The following LPIN2 variants were observed in gnomAD, a reference collection of about 807,000 sequenced individuals.
LPIN2 encodes the protein phosphatidate phosphatase LPIN2.
In LPIN2, 55 loss-of-function variants were observed where a neutral mutation model predicts 111.4. The observed-to-expected ratio is 0.49, with a 90% CI of 0.40 to 0.62. The LOEUF (loss-of-function observed/expected upper bound fraction) is 0.62, where lower values mean the gene tolerates loss of function less well. Ranked by LOEUF, LPIN2 falls within the 20% of genes least tolerant of loss-of-function variation. The pLI is 0.00. For missense variants in LPIN2, 992 were observed against 1,112.1 expected (o/e 0.89, Z 1.54); for synonymous variants, 425 against 414.0 (o/e 1.03, Z -0.32).
intron 6 of LPIN2, among the ~76,000 whole-genome samples, chr18:2,938,734 T>A (rs1260977075): frequency 6.6e-6 from 1 of 152,204 alleles, no homozygotes; most frequent in Non-Finnish European, 1.5e-5. Flanking sequence ...ATATGCAAAA[T>A]GTATATTTTA....
At chr18:2,922,254 C>CA (rs1278606455) in intron 16 of LPIN2, 55 bp from the exon 17 acceptor site, 32 of 1,546,710 alleles carry the variant, frequency 2.1e-5, no homozygotes, top group Non-Finnish European at 2.8e-5. Context: ...GAAAAGAAAA[C>CA]AAAAAACAAA....
chr18:2,988,952 A>G (rs556981961), intron 1 of LPIN2, among the ~76,000 whole-genome samples: 1 of 152,368 alleles, frequency 6.6e-6, no homozygotes, highest in East Asian at 1.9e-4. Flanking sequence ...TCAATTTGAA[A>G]AAGTATACTT....
intron 18 of LPIN2, 156 bp downstream of exon 18, chr18:2,921,377 A>G (rs2077051406): frequency 1.4e-6 from 1 of 693,384 alleles, no homozygotes; most frequent in Admixed American, 2.1e-5. Context: ...GTTGCTATAG[A>G]TATTTGGAAT....
intron 6 of LPIN2, among the ~76,000 whole-genome samples, chr18:2,939,004 C>G (rs907801211): frequency 3.3e-5 from 5 of 152,144 alleles, no homozygotes; most frequent in Middle Eastern, 3.4e-3. Context: ...AAAATAAAAA[C>G]TAAAAAATTA....
At chr18:3,004,609 C>T (rs1052350464) in intron 1 of LPIN2, among the ~76,000 whole-genome samples, 20 of 152,224 alleles carry the variant, frequency 1.3e-4, no homozygotes, top group Admixed American at 4.6e-4. Context: ...AATCAGGAAC[C>T]GTCAAAATTA....
At chr18:2,987,773 C>T (rs934051568) in intron 1 of LPIN2, among the ~76,000 whole-genome samples, 3 of 151,948 alleles carry the variant, frequency 2.0e-5, no homozygotes, top group South Asian at 2.1e-4. Flanking sequence ...TAGAAACGAA[C>T]GGCTGCTGTA....
chr18:2,932,996 T>C (rs983220768), intron 8 of LPIN2, among the ~76,000 whole-genome samples: 3 of 152,130 alleles, frequency 2.0e-5, no homozygotes, highest in South Asian at 2.1e-4. Context: ...AACAACAACA[T>C]CTACACACAT....
At chr18:2,969,578 T>C (rs1219446214) in intron 1 of LPIN2, among the ~76,000 whole-genome samples, 2 of 152,174 alleles carry the variant, frequency 1.3e-5, no homozygotes, top group African/African-American at 2.4e-5. Context: ...TGAGGAAAAC[T>C]GGCAAGGAGC....
At chr18:2,959,809 A>G (rs694873) in intron 2 of LPIN2, among the ~76,000 whole-genome samples, 4 of 152,186 alleles carry the variant, frequency 2.6e-5, no homozygotes, top group South Asian at 2.1e-4. Flanking sequence ...TTTAGATTAC[A>G]AAAGTTTTTA....
chr18:2,931,396 G>T lies in LPIN2; in HGVS notation c.1316C>A (p.Ser439Tyr), dbSNP rs752869856. ...CACGGACTGTGGGGACTGGGAGCCA[G>T]AGAGTGTGTCAGACTCGGGCCACTG... ...SRQWPESDTL[S>Y]GSQSPQSVGS... The change falls in exon 9 of 20, where the codon TCT (serine) becomes TAT (tyrosine). Residue 439 changes from serine to tyrosine, a missense_variant. Ser to Tyr is a moderately radical substitution (Grantham distance 144). This residue lies in a region of LPIN2 where 709 missense variants were observed against 753.2 expected (regional missense o/e 0.94). Coordinates refer to ENST00000677752, the MANE Select transcript of LPIN2 (RefSeq NM_001375808.2). 1.9e-6 allele frequency: 3 copies of T among 1,609,926 alleles called. No individual in the cohort carries two copies. The Admixed American group carries it at 5.1e-5, about 27-fold the overall frequency.
intron 7 of LPIN2, among the ~76,000 whole-genome samples, chr18:2,935,563 T>C (rs896365998): frequency 1.3e-5 from 2 of 152,146 alleles, no homozygotes; most frequent in Non-Finnish European, 2.9e-5. Flanking sequence ...AAATGCAACA[T>C]GTGAAACCTG....
At chr18:2,924,813 C>CT (rs1456081787) in intron 14 of LPIN2, among the ~76,000 whole-genome samples, 1 of 152,230 alleles carries the variant, frequency 6.6e-6, no homozygotes, top group Non-Finnish European at 1.5e-5. Flanking sequence ...AGAATTACTG[C>CT]TTTAGCCACA....
chr18:2,938,203 T>G (rs1192751968), intron 6 of LPIN2, among the ~76,000 whole-genome samples, 166 bp from the exon 7 acceptor site: 2 of 152,200 alleles, frequency 1.3e-5, no homozygotes, highest in Admixed American at 1.3e-4. Context: ...AAACTAATAA[T>G]TGCCTTTTGT....
At chr18:2,991,728 A>G (rs1000902212) in intron 1 of LPIN2, among the ~76,000 whole-genome samples, 1 of 151,514 alleles carries the variant, frequency 6.6e-6, no homozygotes, top group African/African-American at 2.4e-5. Context: ...TAATAATAAT[A>G]AGGCCGGGCA....
At chr18:3,012,169 G>C (rs1431318571) in intron 1 of LPIN2, among the ~76,000 whole-genome samples, 1 of 152,058 alleles carries the variant, frequency 6.6e-6, no homozygotes, top group African/African-American at 2.4e-5. Context: ...ACCAAGTCTA[G>C]AGCCTCGTTT....
At chr18:2,998,489 C>T (rs2078378704) in intron 1 of LPIN2, among the ~76,000 whole-genome samples, 1 of 152,120 alleles carries the variant, frequency 6.6e-6, no homozygotes, top group African/African-American at 2.4e-5. Context: ...TGACAAGGTA[C>T]CTGCCCTTGT....
intron 1 of LPIN2, among the ~76,000 whole-genome samples, chr18:3,004,859 C>T (rs1226220909): frequency 6.6e-6 from 1 of 152,198 alleles, no homozygotes; most frequent in African/African-American, 2.4e-5. Flanking sequence ...CAAAGAACAT[C>T]AGGTTTACCT....
At chr18:2,956,345 T>TGTGTGTGTGC (rs1568568813) in intron 2 of LPIN2, among the ~76,000 whole-genome samples, 1 of 148,638 alleles carries the variant, frequency 6.7e-6, no homozygotes. Flanking sequence ...TGTGTGTGTG[T>TGTGTGTGTGC]ACACGTGCAC....
chr18:2,946,634 G>GT (rs1409812305), intron 4 of LPIN2: 4 of 675,166 alleles, frequency 5.9e-6, no homozygotes, highest in Non-Finnish European at 1.1e-5. Flanking sequence ...CCATACCTCA[G>GT]TTTTTTAAAG....
Sources: allele counts gnomAD v4.1 joint callset (sites outside exome capture counted in the v4.1 genomes callset), GRCh38; gene constraint gnomAD v4.1.1; regional missense constraint gnomAD v4.1.1; transcripts MANE v1.5; gene names NCBI Gene and HGNC (gene_info 2026-07-23, HGNC 2026-07-21).